The following PRKDC variants were observed in gnomAD, a reference collection of about 807,000 sequenced individuals.
The protein encoded by PRKDC is DNA-dependent protein kinase catalytic subunit.
Under a neutral mutation model 486.9 loss-of-function variants are expected in PRKDC, and 82 were observed. The ratio of observed to expected loss-of-function variants is 0.17; its 90% CI spans 0.14 to 0.20. The LOEUF is 0.20. PRKDC is among the 10% of genes least tolerant of loss of function. PRKDC has a pLI of 1.00. For synonymous variants in PRKDC, 1,895 were observed against 1,837.0 expected (o/e 1.03, Z -0.81); for missense variants, 4,504 against 5,038.2 (o/e 0.89, Z 3.21).
At chr8:47,923,990 A>C (rs2090116152) in intron 21 of PRKDC, among the ~76,000 whole-genome samples, 1 of 151,996 alleles carries the variant, frequency 6.6e-6, no homozygotes, top group South Asian at 2.1e-4. Flanking sequence ...ACAATCAAAC[A>C]AAAAAAACCA....
intron 21 of PRKDC, among the ~76,000 whole-genome samples, chr8:47,924,740 G>A (rs2090127585): frequency 6.6e-6 from 1 of 151,910 alleles, no homozygotes; most frequent in African/African-American, 2.4e-5. Context: ...CATTTATTTA[G>A]ATGCATCCAT....
intron 39 of PRKDC, among the ~76,000 whole-genome samples, chr8:47,879,287 A>G (rs2089156421): frequency 6.6e-6 from 1 of 152,182 alleles, no homozygotes; most frequent in Non-Finnish European, 1.5e-5. Flanking sequence ...GTGCTGATTC[A>G]GTATGTGCTT....
intron 7 of PRKDC, among the ~76,000 whole-genome samples, chr8:47,948,412 A>T (rs2090572888): frequency 1.4e-5 from 2 of 142,944 alleles, no homozygotes; most frequent in Non-Finnish European, 3.1e-5. Context: ...CTGGCCTTAC[A>T]ATTATTTTTA....
chr8:47,943,846 A>C lies in PRKDC; in HGVS notation c.808+7T>G. 6.3e-7 allele frequency: 1 copy of C among 1,578,408 alleles called. No individual in the cohort carries two copies. Among genetic ancestry groups the C allele is most frequent in the South Asian group, 1.2e-5 (1 of 86,318 alleles). Reference sequence around the variant, plus strand: ...AATATTATACCTCATTATAAACAGAATCCTACCTGAGGGCACAGCATATCT... The same window carrying C: ...AATATTATACCTCATTATAAACAGACTCCTACCTGAGGGCACAGCATATCT... On this transcript the variant is annotated splice_region_variant and intron_variant, in intron 9 of 85. Coordinates refer to ENST00000314191, the MANE Select transcript of PRKDC (RefSeq NM_006904.7).
In PRKDC at chr8:47,881,364, T is replaced by C. The variant is rs78010936; in HGVS notation, c.5067+52A>G. 4.2e-4 allele frequency: 458 copies of C among 1,086,004 alleles called. 5 individuals are homozygous for C. In the East Asian group the frequency reaches 0.01, roughly 24 times the overall value. The allele number at this position is 1,086,004 out of a possible 1,614,324, so 67.3% of individuals were successfully genotyped here. A position where few individuals can be genotyped will look rare whatever the true frequency, so the allele number is the denominator to read the frequency against. On this transcript the variant is annotated intron_variant, in intron 38 of 85. Coordinates refer to ENST00000314191, the MANE Select transcript of PRKDC (RefSeq NM_006904.7). Reference sequence around the variant, plus strand: ...AATAAAAAACATCACAAATAAAAAATACGAAAACAGAAGAGAATGTAATCC... The same window carrying C: ...AATAAAAAACATCACAAATAAAAAACACGAAAACAGAAGAGAATGTAATCC...
intron 76 of PRKDC, 32 bp from the exon 77 acceptor site, chr8:47,785,349 G>GT: frequency 6.7e-7 from 1 of 1,496,200 alleles, no homozygotes; most frequent in Non-Finnish European, 9.1e-7. Flanking sequence ...TATAAAGACT[G>GT]ATGTTTAGTT....
chr8:47,861,994 T>G (rs964379276), intron 44 of PRKDC, 68 bp downstream of exon 44: 60 of 1,274,746 alleles, frequency 4.7e-5, no homozygotes, highest in Non-Finnish European at 5.6e-5. Context: ...ACTTAACGTG[T>G]TTGACATAAT....
At chr8:47,870,021 T>C (rs970159413) in intron 40 of PRKDC, among the ~76,000 whole-genome samples, 3 of 152,212 alleles carry the variant, frequency 2.0e-5, no homozygotes, top group African/African-American at 7.2e-5. Context: ...TGCAGTGGAA[T>C]AGAGCACCAG....
chr8:47,795,302 A>G (rs2086960962), intron 73 of PRKDC, among the ~76,000 whole-genome samples: 1 of 137,220 alleles, frequency 7.3e-6, no homozygotes, highest in South Asian at 2.3e-4. Flanking sequence ...CCATTCTCCT[A>G]CTTCAGCCTC....
intron 11 of PRKDC, among the ~76,000 whole-genome samples, chr8:47,938,114 A>G (rs1193419214): frequency 6.6e-6 from 1 of 151,762 alleles, no homozygotes; most frequent in African/African-American, 2.4e-5. Context: ...AAAAGAAAGG[A>G]AAAAGGGAGA....
chr8:47,937,702 A>G (rs1221313445), intron 11 of PRKDC, among the ~76,000 whole-genome samples: 2 of 152,208 alleles, frequency 1.3e-5, no homozygotes, highest in African/African-American at 4.8e-5. Context: ...GTGGGGATAG[A>G]TCACTGTGTA....
chr8:47,938,475 G>GA (rs2090390635), intron 11 of PRKDC, among the ~76,000 whole-genome samples: 1 of 151,506 alleles, frequency 6.6e-6, no homozygotes, highest in Non-Finnish European at 1.5e-5. Context: ...ATTGTAGGAA[G>GA]AAAAAAGAAA....
chr8:47,833,038 G>GCC (rs2154499530), intron 59 of PRKDC, among the ~76,000 whole-genome samples: 1 of 152,324 alleles, frequency 6.6e-6, no homozygotes, highest in South Asian at 2.1e-4. Flanking sequence ...AGACCACCAA[G>GCC]CCATCAGATC....
At chr8:47,930,445 T>C (rs1402644560) in intron 17 of PRKDC, among the ~76,000 whole-genome samples, 1 of 152,152 alleles carries the variant, frequency 6.6e-6, no homozygotes, top group African/African-American at 2.4e-5. Context: ...GCGAATTTTT[T>C]GTATCTTTAG....
intron 40 of PRKDC, 122 bp downstream of exon 40, chr8:47,877,602 A>G: frequency 9.3e-7 from 1 of 1,070,612 alleles, no homozygotes; most frequent in Non-Finnish European, 1.2e-6. Context: ...ACAAAAAACT[A>G]AAATAAAGTT....
chr8:47,950,438 A>T (rs1056763460), intron 7 of PRKDC, among the ~76,000 whole-genome samples: 1 of 151,716 alleles, frequency 6.6e-6, no homozygotes, highest in Non-Finnish European at 1.5e-5. Context: ...ATCCTGGCTA[A>T]CACGGTGAAA....
At chr8:47,891,253 A>G (rs571569750) in intron 31 of PRKDC, among the ~76,000 whole-genome samples, 4 of 152,358 alleles carry the variant, frequency 2.6e-5, no homozygotes, top group South Asian at 2.1e-4. Context: ...CACTGTTGAA[A>G]GAGTAAAGGC....
chr8:47,813,580 T>C (rs2087379210), intron 68 of PRKDC, among the ~76,000 whole-genome samples: 1 of 152,064 alleles, frequency 6.6e-6, no homozygotes, highest in African/African-American at 2.4e-5. Context: ...ATATAATTTT[T>C]TTTTTTCCTT....
chr8:47,835,734 C>T (rs1413906572), intron 58 of PRKDC, among the ~76,000 whole-genome samples: 4 of 150,558 alleles, frequency 2.7e-5, no homozygotes, highest in Admixed American at 6.6e-5. Context: ...TGCTGTACAA[C>T]CATCAACATC....
Sources: allele counts gnomAD v4.1 joint callset (sites outside exome capture counted in the v4.1 genomes callset), GRCh38; gene constraint gnomAD v4.1.1; transcripts MANE v1.5; gene names NCBI Gene and HGNC (gene_info 2026-07-23, HGNC 2026-07-21).